SRGAP2: variants seen among roughly 807,000 people sequenced by gnomAD.
The protein encoded by SRGAP2 is SLIT-ROBO Rho GTPase-activating protein 2.
SRGAP2 carries 15 observed loss-of-function variants against 57.2 expected under a neutral mutation model. That is an observed-to-expected ratio of 0.26 (90% confidence interval 0.18 to 0.40). SRGAP2 has a LOEUF of 0.40. SRGAP2 is among the 10% of genes least tolerant of loss of function. SRGAP2 has a pLI of 1.00. For missense variants in SRGAP2, 520 were observed against 669.6 expected (o/e 0.78, Z 2.47); for synonymous variants, 249 against 248.0 (o/e 1.00, Z -0.04).
At chr1:206,217,496 A>G (rs1331180681) in intron 2 of SRGAP2, among the ~76,000 whole-genome samples, 1 of 152,118 alleles carries the variant, frequency 6.6e-6, no homozygotes. Context: ...TAGTTTCCCT[A>G]TAAAATCCCT....
At chr1:206,387,095 C>T (rs1347943176) in intron 5 of SRGAP2, among the ~76,000 whole-genome samples, 1 of 133,686 alleles carries the variant, frequency 7.5e-6, no homozygotes, top group Admixed American at 8.6e-5. Flanking sequence ...CACTGCACTC[C>T]AGCCTGGGGG....
intron 20 of SRGAP2, 194 bp downstream of exon 20, chr1:206,453,574 T>G: frequency 2.9e-6 from 1 of 345,638 alleles, no homozygotes; most frequent in Non-Finnish European, 5.1e-6. Context: ...TGGAGAATTT[T>G]TTTAAATCTC....
intron 3 of SRGAP2, among the ~76,000 whole-genome samples, chr1:206,319,848 G>T (rs1339173232): frequency 1.4e-5 from 2 of 146,812 alleles, no homozygotes; most frequent in Admixed American, 1.3e-4. Context: ...TCACTCTGTT[G>T]CCCAGGCTGG....
At chr1:206,259,503 A>T (rs1553313103) in intron 2 of SRGAP2, among the ~76,000 whole-genome samples, 1 of 151,630 alleles carries the variant, frequency 6.6e-6, no homozygotes. Context: ...AGCCCAGCTA[A>T]TTTTTTTATT....
At chr1:206,439,880 G>C (rs1364393812) in intron 16 of SRGAP2, 96 bp from the exon 17 acceptor site, 1 of 700,556 alleles carries the variant, frequency 1.4e-6, no homozygotes, top group Non-Finnish European at 2.6e-6. Flanking sequence ...ATCTGATGCT[G>C]TCCGTGTTGC....
chr1:206,353,457 G>A (rs1201881792), intron 4 of SRGAP2, among the ~76,000 whole-genome samples: 2 of 151,850 alleles, frequency 1.3e-5, no homozygotes, highest in Non-Finnish European at 2.9e-5. Flanking sequence ...GACCAGCCTG[G>A]CCAACATGGT....
At chr1:206,447,847 T>C (rs1321129727) in intron 18 of SRGAP2, among the ~76,000 whole-genome samples, 1 of 152,218 alleles carries the variant, frequency 6.6e-6, no homozygotes, top group Non-Finnish European at 1.5e-5. Context: ...GTCAGAGTCC[T>C]GGAGGGGTGT....
chr1:206,346,914 T>C (rs1223458462), intron 4 of SRGAP2, among the ~76,000 whole-genome samples: 6 of 152,064 alleles, frequency 3.9e-5, no homozygotes, highest in African/African-American at 1.2e-4. Flanking sequence ...ATTGTCATCA[T>C]CGCTGTTTTA....
intron 4 of SRGAP2, among the ~76,000 whole-genome samples, chr1:206,350,844 G>A (rs1675989840): frequency 6.6e-6 from 1 of 151,182 alleles, no homozygotes. Flanking sequence ...AGGAAGTGGG[G>A]AATGCAAGAA....
chr1:206,286,868 A>ACCC (rs1232322197), intron 2 of SRGAP2, among the ~76,000 whole-genome samples: 15 of 151,770 alleles, frequency 9.9e-5, no homozygotes, highest in Non-Finnish European at 1.9e-4. Context: ...GTAAGGGTGA[A>ACCC]CTGGGCCATG....
chr1:206,366,089 G>A (rs1422893400), intron 4 of SRGAP2, among the ~76,000 whole-genome samples: 1 of 152,112 alleles, frequency 6.6e-6, no homozygotes, highest in African/African-American at 2.4e-5. Context: ...CTACATACTT[G>A]CCTAAGAAAA....
At chr1:206,418,886 C>CTGTG (rs1215636072) in intron 11 of SRGAP2, among the ~76,000 whole-genome samples, 105 of 107,392 alleles carry the variant, frequency 9.8e-4, no homozygotes, top group Non-Finnish European at 1.1e-3. Context: ...CTCCAACTCT[C>CTGTG]TCTGTGTGTG....
chr1:206,347,666 A>G lies in SRGAP2; in HGVS notation c.423+4658A>G, dbSNP rs1480620547. Among the ~76,000 whole-genome samples, 3 of 151,350 alleles carry G rather than the reference A, an allele frequency of 2.0e-5. No homozygotes were observed. The East Asian group carries it at 5.8e-4, about 29-fold the overall frequency. On this transcript the variant is annotated intron_variant, in intron 4 of 22. Coordinates refer to ENST00000573034, the MANE Select transcript of SRGAP2 (RefSeq NM_015326.5). The stretch of plus-strand genomic sequence containing the variant: ...CCTGGCTCTAGAATCCAACGTTTTC[A>G]TCTACATACTGTATTAGGATTCTCT...
At position 206,425,008 on chromosome 1, in the gene SRGAP2, T is replaced by C. The variant is rs2103264228; in HGVS notation, c.1494+3734T>C. Among the ~76,000 whole-genome samples, 5 of 152,352 alleles carry C rather than the reference T, an allele frequency of 3.3e-5. 2 individuals carry two copies. In the South Asian group the frequency reaches 1.0e-3, roughly 32 times the overall value. ...TGGTAACCACGGACATGCAGGTTAATATTTTTCTTGCCCTGTTTCCTGCCA... is the reference window on the plus strand; with the variant it reads ...TGGTAACCACGGACATGCAGGTTAACATTTTTCTTGCCCTGTTTCCTGCCA... On this transcript the variant is annotated intron_variant, in intron 13 of 22. Coordinates refer to ENST00000573034, the MANE Select transcript of SRGAP2 (RefSeq NM_015326.5).
At chr1:206,225,860 GT>G (rs1350005733) in intron 2 of SRGAP2, among the ~76,000 whole-genome samples, 2 of 152,174 alleles carry the variant, frequency 1.3e-5, no homozygotes, top group African/African-American at 4.8e-5. Flanking sequence ...CTTGCTCCGA[GT>G]TTGGTTGGAG....
Position 206,454,939 on chromosome 1 carries a change from C to T in SRGAP2, c.2422C>T (p.Pro808Ser), listed in dbSNP as rs1663691437. The T allele has an allele frequency of 1.3e-6, 1 of 780,766 alleles. No individual in the cohort carries two copies. The highest frequency in any genetic ancestry group is 1.7e-5 in the Admixed American group (1 of 59,022). The allele number at this position is 780,766 out of a possible 1,614,324, so 48.4% of individuals were successfully genotyped here. ...KSEIEVISEPPEEKVTARAGA... is the reference protein window; with the variant it reads ...KSEIEVISEPSEEKVTARAGA... ...TGAGATTGAGGTCATTTCTGAGCCA[C>T]CTGAAGAAAAGGTGACAGCCAGAGC... The change falls in exon 21 of 23, where the codon CCT (proline) becomes TCT (serine). Residue 808 changes from proline to serine, a missense_variant. Physicochemically the swap from Pro to Ser is moderately conservative, Grantham distance 74. Coordinates refer to ENST00000573034, the MANE Select transcript of SRGAP2 (RefSeq NM_015326.5). The surrounding 1 kb of genome is among the most constrained non-coding windows in gnomAD (Gnocchi z 4.3).
At position 206,426,287 on chromosome 1, in the gene SRGAP2, T is replaced by C. The variant is rs148055681; in HGVS notation, c.1495-3875T>C. On this transcript the variant is annotated intron_variant, in intron 13 of 22. Transcript: ENST00000573034. ...CAGTGTCCTCCAGTTCCATCTATATTGCTGCAAGTGACAGAATTTTATTCT... is the reference window on the plus strand; with the variant it reads ...CAGTGTCCTCCAGTTCCATCTATATCGCTGCAAGTGACAGAATTTTATTCT... Among the ~76,000 whole-genome samples the C allele has an allele frequency of 1.7e-3, 255 of 152,348 alleles. 6 individuals are homozygous for C. In the East Asian group the frequency reaches 0.036, roughly 22 times the overall value.
intron 3 of SRGAP2, among the ~76,000 whole-genome samples, chr1:206,306,414 TG>T (rs1231307056): frequency 6.6e-6 from 1 of 152,124 alleles, no homozygotes; most frequent in Non-Finnish European, 1.5e-5. Flanking sequence ...GTGGCCTCGC[TG>T]GGCTCAGGAG....
chr1:206,394,754 T>G (rs1657405038), intron 7 of SRGAP2, among the ~76,000 whole-genome samples: 2 of 152,102 alleles, frequency 1.3e-5, no homozygotes, highest in Admixed American at 1.3e-4. Context: ...TGTGAGTTAT[T>G]CTTGGCCTTG....
Sources: allele counts gnomAD v4.1 joint callset (sites outside exome capture counted in the v4.1 genomes callset), GRCh38; gene constraint gnomAD v4.1.1; non-coding constraint Gnocchi (gnomAD v3.1); transcripts MANE v1.5; gene names NCBI Gene and HGNC (gene_info 2026-07-23, HGNC 2026-07-21).